CNTN4: variants seen among roughly 807,000 people sequenced by gnomAD.
CNTN4 encodes contactin 4, also known as contactin-4.
Under a neutral mutation model 122.5 loss-of-function variants are expected in CNTN4, and 77 were observed. That is an observed-to-expected ratio of 0.63 (90% confidence interval 0.52 to 0.76). The LOEUF (loss-of-function observed/expected upper bound fraction) is 0.76. Among genes scored for constraint, CNTN4 ranks in the 30% least tolerant of loss-of-function variants. CNTN4 has a pLI of 0.00. For synonymous variants in CNTN4, 512 were observed against 447.0 expected (o/e 1.15, Z -1.83); for missense variants, 1,256 against 1,259.1 (o/e 1.00, Z 0.04).
In CNTN4 at chr3:3,001,292, A is replaced by G. The variant is rs79131207; in HGVS notation, c.1486+12820A>G. Reference sequence around the variant, plus strand: ...AAGAAAAATAAGGAGTGGAGGATCAACGCAATAGGTGTACATCCTTCACTC... The same window carrying G: ...AAGAAAAATAAGGAGTGGAGGATCAGCGCAATAGGTGTACATCCTTCACTC... On this transcript the variant is annotated intron_variant, in intron 14 of 24. Transcript: ENST00000418658. 8.3e-3 allele frequency among the ~76,000 whole-genome samples: 1,258 copies of G among 152,324 alleles called. 9 individuals are homozygous for G. Among genetic ancestry groups the G allele is most frequent in the African/African-American group, 0.028 (1,177 of 41,574 alleles).
intron 2 of CNTN4, among the ~76,000 whole-genome samples, chr3:2,241,393 A>G (rs1483378794): frequency 6.6e-6 from 1 of 152,106 alleles, no homozygotes; most frequent in African/African-American, 2.4e-5. Context: ...TCATCAACTC[A>G]TTATATGTCC....
At chr3:2,237,899 A>G (rs1006344575) in intron 2 of CNTN4, among the ~76,000 whole-genome samples, 6 of 152,168 alleles carry the variant, frequency 3.9e-5, no homozygotes, top group African/African-American at 1.4e-4. Flanking sequence ...ATTAAAATAG[A>G]TTTACTGTGA....
chr3:2,821,092 G>T (rs1237337795), intron 7 of CNTN4, among the ~76,000 whole-genome samples: 26 of 150,566 alleles, frequency 1.7e-4, no homozygotes, highest in African/African-American at 6.3e-4. Context: ...CTTCCGAGTA[G>T]CTGGGATTAC....
intron 2 of CNTN4, among the ~76,000 whole-genome samples, chr3:2,202,488 C>A (rs1362351848): frequency 6.6e-6 from 1 of 152,086 alleles, no homozygotes; most frequent in South Asian, 2.1e-4. Flanking sequence ...GGATTTGAAA[C>A]CTGATCAGAC....
intron 3 of CNTN4, among the ~76,000 whole-genome samples, chr3:2,425,721 T>C (rs144746846): frequency 6.6e-6 from 1 of 152,302 alleles, no homozygotes; most frequent in African/African-American, 2.4e-5. Flanking sequence ...TGTTCTTCCA[T>C]TTCTGTCCTC....
At position 2,916,009 on chromosome 3, in the gene CNTN4, C is replaced by T. The variant is rs115714963; in HGVS notation, c.1208-9620C>T. On this transcript the variant is annotated intron_variant, in intron 12 of 24. Coordinates refer to ENST00000418658, the MANE Select transcript of CNTN4 (RefSeq NM_175607.3). ...ATAGAAACAGAAAGTAGTGTTGTTA[C>T]CAGGGGCTGGGAGAGAGGAGGAGGA... Among the ~76,000 whole-genome samples the T allele has an allele frequency of 6.5e-3, 985 of 152,150 alleles. 7 individuals are homozygous for T. Among genetic ancestry groups the T allele is most frequent in the African/African-American group, 0.023 (944 of 41,484 alleles).
intron 4 of CNTN4, among the ~76,000 whole-genome samples, chr3:2,606,832 C>T (rs775748060): frequency 2.0e-5 from 3 of 152,116 alleles, no homozygotes; most frequent in African/African-American, 4.8e-5. Flanking sequence ...ACATACTTAC[C>T]ATTTAAATGG....
intron 4 of CNTN4, among the ~76,000 whole-genome samples, chr3:2,672,058 G>T (rs1052637646): frequency 2.0e-5 from 3 of 152,208 alleles, no homozygotes; most frequent in African/African-American, 7.2e-5. Flanking sequence ...CTACTCAGGG[G>T]TCAGGGACCC....
At chr3:2,750,433 C>T (rs1054515356) in intron 6 of CNTN4, among the ~76,000 whole-genome samples, 25 of 152,146 alleles carry the variant, frequency 1.6e-4, no homozygotes, top group Non-Finnish European at 3.1e-4. Context: ...TGAATTAATT[C>T]ACATAAGCAA....
chr3:2,376,101 T>A (rs2045806064), intron 3 of CNTN4, among the ~76,000 whole-genome samples: 1 of 152,154 alleles, frequency 6.6e-6, no homozygotes, highest in Non-Finnish European at 1.5e-5. Flanking sequence ...ACTATTCTGT[T>A]ACAAGGTAAC....
intron 4 of CNTN4, among the ~76,000 whole-genome samples, chr3:2,670,516 T>C (rs1415010634): frequency 6.6e-6 from 1 of 152,008 alleles, no homozygotes; most frequent in East Asian, 1.9e-4. Flanking sequence ...TTCCTAAATA[T>C]AGCACACTGA....
chr3:2,936,355 C>A (rs2094567226), intron 13 of CNTN4, among the ~76,000 whole-genome samples: 1 of 152,158 alleles, frequency 6.6e-6, no homozygotes, highest in South Asian at 2.1e-4. Context: ...AAAGCAGAGT[C>A]CCACTCTCCA....
At chr3:2,299,185 GCATTATTGTT>G (rs976289806) in intron 2 of CNTN4, among the ~76,000 whole-genome samples, 38 of 152,054 alleles carry the variant, frequency 2.5e-4, no homozygotes, top group African/African-American at 8.9e-4. Context: ...AATTAATCCA[GCATTATTGTT>G]CAGAAAATTA....
intron 2 of CNTN4, among the ~76,000 whole-genome samples, chr3:2,214,188 A>G (rs1446630920): frequency 6.6e-6 from 1 of 152,148 alleles, no homozygotes; most frequent in Non-Finnish European, 1.5e-5. Context: ...TGGTGAAAGT[A>G]CTTCCTCTCC....
intron 6 of CNTN4, among the ~76,000 whole-genome samples, chr3:2,799,534 G>C (rs2728080): frequency 0.61 from 92,544 of 151,450 alleles, 28,423 homozygotes; most frequent in South Asian, 0.75. Flanking sequence ...ACAATCTCGG[G>C]TCACTGCAAC....
At chr3:2,408,153 A>G (rs1357932221) in intron 3 of CNTN4, among the ~76,000 whole-genome samples, 1 of 152,200 alleles carries the variant, frequency 6.6e-6, no homozygotes, top group Non-Finnish European at 1.5e-5. Context: ...ATTTTTCTGT[A>G]CATCCTAAGA....
intron 3 of CNTN4, among the ~76,000 whole-genome samples, chr3:2,499,840 A>C (rs2148993003): frequency 6.6e-6 from 1 of 152,180 alleles, no homozygotes; most frequent in African/African-American, 2.4e-5. Flanking sequence ...CATCTTTTTT[A>C]CATTGACCCT....
At chr3:3,008,014 G>A (rs1209387820) in intron 14 of CNTN4, among the ~76,000 whole-genome samples, 3 of 152,128 alleles carry the variant, frequency 2.0e-5, no homozygotes, top group Admixed American at 1.3e-4. Flanking sequence ...ATGTATCTGT[G>A]ATGTACTCCT....
At chr3:2,596,156 C>T (rs887064236) in intron 4 of CNTN4, among the ~76,000 whole-genome samples, 2 of 152,148 alleles carry the variant, frequency 1.3e-5, no homozygotes, top group African/African-American at 4.8e-5. Flanking sequence ...AAGAATCCTG[C>T]AGTTTGACTG....
Sources: gnomAD v4.1 joint callset for allele counts (sites outside exome capture counted in the v4.1 genomes callset) on GRCh38, gnomAD v4.1.1 for gene constraint, MANE v1.5 for transcripts, NCBI Gene and HGNC (gene_info 2026-07-23, HGNC 2026-07-21) for gene names.